Variants in CSMD3 observed in about 807,000 individuals in gnomAD.
CSMD3 encodes the protein CUB and Sushi multiple domains 3.
A neutral mutation model predicts 435.2 loss-of-function variants in CSMD3; 177 were observed. The observed-to-expected ratio is 0.41, with a 90% CI of 0.36 to 0.46. The LOEUF (loss-of-function observed/expected upper bound fraction) is 0.46. Among genes scored for constraint, CSMD3 ranks in the 20% least tolerant of loss-of-function variants. The pLI is 0.34. For missense variants in CSMD3, 4,265 were observed against 4,504.6 expected, an observed-to-expected ratio of 0.95 and a Z score of 1.52; for synonymous variants, 1,656 against 1,520.5, an observed-to-expected ratio of 1.09 and a Z score of -2.07.
intron 1 of CSMD3, among the ~76,000 whole-genome samples, chr8:113,422,545 C>A (rs1315531658): frequency 6.6e-6 from 1 of 151,916 alleles, no homozygotes; most frequent in Non-Finnish European, 1.5e-5. Flanking sequence ...GTTTTGGGGC[C>A]ATGTAGAATT....
chr8:113,274,906 AAGAG>A (rs201940257), intron 3 of CSMD3, among the ~76,000 whole-genome samples: 6 of 151,054 alleles, frequency 4.0e-5, no homozygotes, highest in Admixed American at 2.0e-4. Context: ...CAGAGAAATA[AAGAG>A]AGAGAGAGAG....
At chr8:113,376,584 A>G (rs935399544) in intron 1 of CSMD3, 8 of 744,450 alleles carry the variant, frequency 1.1e-5, no homozygotes, top group Non-Finnish European at 1.8e-5. Flanking sequence ...ATATAAAAAA[A>G]TTGATATCCA....
chr8:112,529,919 A>T (rs1208776369), intron 27 of CSMD3, among the ~76,000 whole-genome samples: 3 of 152,188 alleles, frequency 2.0e-5, no homozygotes, highest in Non-Finnish European at 4.4e-5. Flanking sequence ...AAAGCTCAAG[A>T]GAATCATGCA....
chr8:113,360,570 C>CTTTTT (rs35009987), intron 1 of CSMD3, among the ~76,000 whole-genome samples: 2 of 88,912 alleles, frequency 2.2e-5, no homozygotes, highest in African/African-American at 9.3e-5. Flanking sequence ...TGACTTCAGT[C>CTTTTT]TTTTTTTTTT....
intron 9 of CSMD3, among the ~76,000 whole-genome samples, chr8:112,923,400 A>G (rs776007755): frequency 6.6e-6 from 1 of 152,100 alleles, no homozygotes; most frequent in African/African-American, 2.4e-5. Flanking sequence ...TTAATTTCCT[A>G]TGCTTTCTCC....
chr8:113,409,289 T>C (rs989092117), intron 1 of CSMD3, among the ~76,000 whole-genome samples: 2 of 151,898 alleles, frequency 1.3e-5, no homozygotes, highest in Non-Finnish European at 2.9e-5. Context: ...TTCACCATGT[T>C]GGTCAGGGTG....
Position 112,402,730 on chromosome 8 carries a change from T to C in CSMD3, c.5809+3794A>G, listed in dbSNP as rs182409104. On this transcript the variant is annotated intron_variant, in intron 35 of 70. Transcript: ENST00000297405. ...GTAATTACAGAAAAAGATTTAAAAA[T>C]CTACTGTGAGTTTTGAAGAGAGTTA... Among the ~76,000 whole-genome samples, 73 of 152,256 alleles carry C rather than the reference T, an allele frequency of 4.8e-4. 1 individual carries two copies. Among genetic ancestry groups the C allele is most frequent in the Middle Eastern group, 3.4e-3 (1 of 292 alleles).
In CSMD3 at chr8:112,782,586, C is replaced by T. The variant is rs181852033; in HGVS notation, c.1972+17576G>A. 8.3e-4 allele frequency among the ~76,000 whole-genome samples: 126 copies of T among 152,000 alleles called. 1 individual carries two copies. The highest frequency in any genetic ancestry group is 2.7e-3 in the African/African-American group (113 of 41,490). ...AGAGAAATATGTCAATATTCAAGTG[C>T]TAGAAGGTTATAAAACATCAAGCAT... On this transcript the variant is annotated intron_variant, in intron 13 of 70. Coordinates refer to ENST00000297405, the MANE Select transcript of CSMD3 (RefSeq NM_198123.2).
intron 50 of CSMD3, chr8:112,310,583 G>T (rs1275514610): frequency 4.4e-6 from 1 of 228,020 alleles, no homozygotes; most frequent in Non-Finnish European, 8.8e-6. Flanking sequence ...GCAAATTTTG[G>T]ATGCTAAGAG....
chr8:112,810,954 A>C (rs1268896584), intron 12 of CSMD3, among the ~76,000 whole-genome samples: 1 of 152,092 alleles, frequency 6.6e-6, no homozygotes, highest in Non-Finnish European at 1.5e-5. Flanking sequence ...ACAGTTTATA[A>C]AATTAATGGA....
chr8:112,871,478 A>G (rs2081133191), intron 10 of CSMD3, among the ~76,000 whole-genome samples: 1 of 152,168 alleles, frequency 6.6e-6, no homozygotes, highest in Admixed American at 6.5e-5. Context: ...TGGAAGAAAT[A>G]TATTATAAAA....
At chr8:113,155,920 C>G (rs1588167543) in intron 4 of CSMD3, among the ~76,000 whole-genome samples, 1 of 151,922 alleles carries the variant, frequency 6.6e-6, no homozygotes, top group African/African-American at 2.4e-5. Flanking sequence ...ATACAGGAAG[C>G]CTTTCAGCTG....
chr8:112,373,885 C>G (rs78249732), intron 38 of CSMD3, among the ~76,000 whole-genome samples: 5,442 of 152,196 alleles, frequency 0.036, 148 homozygotes, highest in Middle Eastern at 0.082. Context: ...AATGGTCAGC[C>G]TTTCTGATTG....
chr8:113,076,014 T>A (rs2089319659), intron 5 of CSMD3, among the ~76,000 whole-genome samples: 1 of 151,892 alleles, frequency 6.6e-6, no homozygotes, highest in South Asian at 2.1e-4. Context: ...ACTATTGTAT[T>A]CCTACTGAGT....
intron 10 of CSMD3, among the ~76,000 whole-genome samples, chr8:112,903,151 CAA>C (rs763330055): frequency 0.012 from 636 of 53,644 alleles, no homozygotes; most frequent in Non-Finnish European, 0.018. Context: ...GCAGTCTTGG[CAA>C]AAAAAAAAAA....
intron 61 of CSMD3, among the ~76,000 whole-genome samples, chr8:112,262,999 C>T (rs1040309747): frequency 6.6e-6 from 1 of 152,186 alleles, no homozygotes; most frequent in South Asian, 2.1e-4. Context: ...CTAGACAACT[C>T]TCTGAATGAC....
intron 10 of CSMD3, among the ~76,000 whole-genome samples, chr8:112,894,050 C>CCAAA (rs747524747): frequency 7.9e-5 from 12 of 151,392 alleles, no homozygotes; most frequent in South Asian, 2.1e-4. Flanking sequence ...ATCCTAAAAA[C>CCAAA]CAAACAAACA....
intron 12 of CSMD3, among the ~76,000 whole-genome samples, chr8:112,802,042 A>C (rs2078973221): frequency 6.6e-6 from 1 of 151,870 alleles, no homozygotes. Context: ...TCCCTTACTA[A>C]CTTATCCTAT....
intron 10 of CSMD3, among the ~76,000 whole-genome samples, chr8:112,909,433 C>T (rs889399621): frequency 7.3e-5 from 11 of 150,936 alleles, no homozygotes; most frequent in Admixed American, 2.0e-4. Context: ...ATCAAATAAT[C>T]GAAATAAGCC....
Sources: allele counts gnomAD v4.1 joint callset (sites outside exome capture counted in the v4.1 genomes callset), GRCh38; gene constraint gnomAD v4.1.1; transcripts MANE v1.5; gene names NCBI Gene and HGNC (gene_info 2026-07-23, HGNC 2026-07-21).